OR2C1: variants seen among roughly 807,000 people sequenced by gnomAD.
The protein encoded by OR2C1 is olfactory receptor 2C1.
For missense variants in OR2C1, 468 were observed against 388.3 expected, an observed-to-expected ratio of 1.21 and a Z score of -1.73; for synonymous variants, 209 against 167.3, an observed-to-expected ratio of 1.25 and a Z score of -1.92.
chr16:3,339,689 CTCG>C, the OR2C1 span, among the ~76,000 whole-genome samples: 1 of 152,074 alleles, frequency 6.6e-6, no homozygotes, highest in African/African-American at 2.4e-5. Context: ...ATCTCTTGAC[CTCG>C]TGATCCACCC....
the OR2C1 span, among the ~76,000 whole-genome samples, chr16:3,331,629 AT>A: frequency 1.3e-5 from 2 of 151,936 alleles, no homozygotes; most frequent in African/African-American, 4.8e-5. Context: ...TCCCAGCACC[AT>A]TTATTAAATA....
At chr16:3,342,302 G>T in the OR2C1 span, among the ~76,000 whole-genome samples, 2 of 152,162 alleles carry the variant, frequency 1.3e-5, no homozygotes, top group East Asian at 1.9e-4. Context: ...GACAGAAAAT[G>T]TACTAAATAG....
At chr16:3,347,868 ACACACG>A in the OR2C1 span, among the ~76,000 whole-genome samples, 2 of 6,492 alleles carry the variant, frequency 3.1e-4, no homozygotes, top group South Asian at 0.011. Flanking sequence ...ACGCGCACAC[ACACACG>A]CACATGCACA....
At chr16:3,323,316 C>A in the OR2C1 span, 1 of 1,066,824 alleles carries the variant, frequency 9.4e-7, no homozygotes, top group South Asian at 1.2e-5. Flanking sequence ...GCAAAAGAAC[C>A]ATGAGATCTC....
At chr16:3,347,845 TGCACACGCACACAC>T in the OR2C1 span, among the ~76,000 whole-genome samples, 11 of 9,180 alleles carry the variant, frequency 1.2e-3, no homozygotes, top group Non-Finnish European at 2.3e-3. Flanking sequence ...CATACACACA[TGCACACGCACACAC>T]GCGCACACAC....
At chr16:3,325,870 G>A in the OR2C1 span, among the ~76,000 whole-genome samples, 3 of 151,570 alleles carry the variant, frequency 2.0e-5, no homozygotes, top group East Asian at 5.8e-4. Context: ...GTGAGTATTA[G>A]TGATGGAGAT....
At chr16:3,330,185 CA>C in the OR2C1 span, among the ~76,000 whole-genome samples, 1 of 151,944 alleles carries the variant, frequency 6.6e-6, no homozygotes, top group African/African-American at 2.4e-5. Flanking sequence ...CGGCCCACTG[CA>C]AGCTCTGCCT....
the OR2C1 span, among the ~76,000 whole-genome samples, chr16:3,335,594 T>C: frequency 6.7e-6 from 1 of 148,838 alleles, no homozygotes; most frequent in African/African-American, 2.5e-5. Context: ...TAGCGCAATA[T>C]TGGCTCACTG....
chr16:3,350,430 G>T, the OR2C1 span, among the ~76,000 whole-genome samples: 873 of 139,380 alleles, frequency 6.3e-3, 13 homozygotes, highest in African/African-American at 0.024. Context: ...TTTTTTTTTT[G>T]AGATGGAGTC....
the OR2C1 span, among the ~76,000 whole-genome samples, chr16:3,327,387 AGTT>A: frequency 4.9e-4 from 75 of 152,262 alleles, no homozygotes; most frequent in Non-Finnish European, 8.4e-4. Context: ...TTTGGGGAAC[AGTT>A]CCTACTCAGT....
chr16:3,338,538 C>CTTTTTTCTTTTT, the OR2C1 span, among the ~76,000 whole-genome samples: 1 of 103,288 alleles, frequency 9.7e-6, no homozygotes, highest in Non-Finnish European at 1.8e-5. Context: ...GTATAGGTAC[C>CTTTTTTCTTTTT]TTTTTTTTTT....
chr16:3,347,474 T>C, the OR2C1 span, among the ~76,000 whole-genome samples: 1 of 151,894 alleles, frequency 6.6e-6, no homozygotes, highest in South Asian at 2.1e-4. Context: ...TACTTTTTTT[T>C]TTTTTGAGAC....
At chr16:3,349,772 C>A in the OR2C1 span, among the ~76,000 whole-genome samples, 2 of 151,756 alleles carry the variant, frequency 1.3e-5, no homozygotes, top group African/African-American at 4.8e-5. Context: ...CGTGGTGGTA[C>A]ATGCCTGTAA....
At chr16:3,348,533 G>A in the OR2C1 span, among the ~76,000 whole-genome samples, 2,089 of 152,152 alleles carry the variant, frequency 0.014, 55 homozygotes, top group African/African-American at 0.048. Flanking sequence ...TTTATAAACC[G>A]CTGGGCACAG....
the OR2C1 span, among the ~76,000 whole-genome samples, chr16:3,335,441 C>T: frequency 1.3e-5 from 2 of 150,458 alleles, no homozygotes; most frequent in Admixed American, 1.3e-4. Context: ...TTATTTGAAG[C>T]TATTGCAAGT....
chr16:3,334,189 G>A, the OR2C1 span, among the ~76,000 whole-genome samples: 1 of 150,206 alleles, frequency 6.7e-6, no homozygotes, highest in African/African-American at 2.5e-5. Flanking sequence ...CCAGGCTGAA[G>A]TGCAGTGGTG....
chr16:3,348,761 T>C, the OR2C1 span, among the ~76,000 whole-genome samples: 1 of 152,180 alleles, frequency 6.6e-6, no homozygotes. Context: ...TTCTGTGACA[T>C]CTAACGGCCT....
At chr16:3,339,931 T>C in the OR2C1 span, among the ~76,000 whole-genome samples, 2 of 152,216 alleles carry the variant, frequency 1.3e-5, no homozygotes, top group Admixed American at 6.5e-5. Flanking sequence ...TTATGTACTT[T>C]TGGGCCATGT....
chr16:3,345,481 G>T, the OR2C1 span, among the ~76,000 whole-genome samples: 3 of 55,756 alleles, frequency 5.4e-5, no homozygotes, highest in Non-Finnish European at 1.0e-4. Context: ...GTGAGACTCT[G>T]TCTCAAAAAA....
Sources: gnomAD v4.1 joint callset for allele counts (sites outside exome capture counted in the v4.1 genomes callset) on GRCh38, gnomAD v4.1.1 for gene constraint, MANE v1.5 for transcripts, NCBI Gene and HGNC (gene_info 2026-07-23, HGNC 2026-07-21) for gene names.